ALOX5: variants seen among roughly 807,000 people sequenced by gnomAD.
ALOX5 encodes the protein arachidonate 5-lipoxygenase.
A neutral mutation model predicts 87.9 loss-of-function variants in ALOX5; 64 were observed. The observed-to-expected ratio is 0.73, with a 90% CI of 0.60 to 0.90. ALOX5 has a LOEUF of 0.90. Ranked by LOEUF, ALOX5 falls within the 40% of genes least tolerant of loss-of-function variation. ALOX5 has a pLI of 0.00. For missense variants in ALOX5, 822 were observed against 907.5 expected (o/e 0.91, Z 1.21); for synonymous variants, 388 against 355.1 (o/e 1.09, Z -1.04).
intron 4 of ALOX5, among the ~76,000 whole-genome samples, chr10:45,413,366 GA>G (rs1263285982): frequency 6.6e-6 from 1 of 152,166 alleles, no homozygotes; most frequent in Non-Finnish European, 1.5e-5. Context: ...AATAGATGCA[GA>G]AAAGGCCTTT....
At chr10:45,422,932 C>T (rs11239526) in intron 4 of ALOX5, among the ~76,000 whole-genome samples, 5,781 of 152,276 alleles carry the variant, frequency 0.038, 156 homozygotes, top group Non-Finnish European at 0.057. Context: ...AGCATGGTCA[C>T]GTGGCAGAGA....
chr10:45,406,515 G>A (rs781187460), intron 3 of ALOX5, among the ~76,000 whole-genome samples: 6 of 152,246 alleles, frequency 3.9e-5, no homozygotes, highest in South Asian at 4.1e-4. Context: ...GGAACACAGC[G>A]TGTCTTTCCA....
chr10:45,392,747 G>A (rs1056056737), intron 2 of ALOX5, among the ~76,000 whole-genome samples: 21 of 151,110 alleles, frequency 1.4e-4, no homozygotes, highest in Admixed American at 3.9e-4. Context: ...TCAATTAGAC[G>A]CAATAAAAAG....
intron 3 of ALOX5, among the ~76,000 whole-genome samples, chr10:45,404,630 C>G (rs529989357): frequency 6.6e-6 from 1 of 152,390 alleles, no homozygotes; most frequent in African/African-American, 2.4e-5. Context: ...TTAACTTCTT[C>G]ATGGCATATC....
At chr10:45,400,807 A>T (rs1159105527) in intron 3 of ALOX5, among the ~76,000 whole-genome samples, 4 of 152,164 alleles carry the variant, frequency 2.6e-5, no homozygotes, top group African/African-American at 9.7e-5. Context: ...GAGGGGAAAC[A>T]AGGAGTGAAT....
chr10:45,381,777 A>C (rs1488722100), intron 1 of ALOX5, among the ~76,000 whole-genome samples: 2 of 152,230 alleles, frequency 1.3e-5, no homozygotes, highest in African/African-American at 4.8e-5. Context: ...GGCAGGGCCC[A>C]GGATTTGTCC....
At chr10:45,434,917 A>C (rs1842015889) in intron 7 of ALOX5, among the ~76,000 whole-genome samples, 1 of 152,010 alleles carries the variant, frequency 6.6e-6, no homozygotes, top group Admixed American at 6.6e-5. Context: ...TTTCTTTCTC[A>C]GGCTCTCCTG....
In ALOX5 at chr10:45,424,134, C is replaced by G; in HGVS notation, c.648C>G (p.Ser216Arg). The part of the protein sequence containing the change: ...ADFEKIFVKI[S>R]NTISERVMNH... The stretch of plus-strand genomic sequence containing the variant: ...TTGAGAAAATCTTTGTCAAGATCAG[C>G]AACACTATTTCTGGTGAGTGTGCCT... Residue 216 changes from serine to arginine, a missense_variant, in exon 5 of 14, where the codon AGC (serine) becomes AGG (arginine). By Grantham distance (110) the Ser-to-Arg change is moderately radical. Coordinates refer to ENST00000374391, the MANE Select transcript of ALOX5 (RefSeq NM_000698.5). The G allele has an allele frequency of 3.1e-6, 5 of 1,613,568 alleles. No individual in the cohort carries two copies. Among genetic ancestry groups the G allele is most frequent in the Non-Finnish European group, 4.2e-6 (5 of 1,179,442 alleles).
rs1385261889 is a variant in ALOX5 at position 45,443,844 on chromosome 10, C to A, written c.1674+16C>A. The A allele has an allele frequency of 2.5e-6, 4 of 1,587,292 alleles. No individual in the cohort carries two copies. In the Admixed American group the frequency reaches 5.3e-5, roughly 21 times the overall value. On this transcript the variant is annotated intron_variant, in intron 12 of 13. Coordinates refer to ENST00000374391, the MANE Select transcript of ALOX5 (RefSeq NM_000698.5). ...CTTCGGCCAGGTAGGCAGGGCCGGG[C>A]CCGCTGGGCAGGGCTCCCTTCTCAA...
Position 45,443,055 on chromosome 10 carries a change from C to T in ALOX5, c.1290C>T (p.Gly430=), listed in dbSNP as rs781262591. 8 of 1,612,648 alleles carry T rather than the reference C, an allele frequency of 5.0e-6. No individual in the cohort carries two copies. Among genetic ancestry groups the T allele is most frequent in the African/African-American group, 1.3e-5 (1 of 74,934 alleles). The change falls in exon 10 of 14, where the codon GGC becomes GGT. Residue 430 remains glycine, a synonymous_variant. Coordinates refer to ENST00000374391, the MANE Select transcript of ALOX5 (RefSeq NM_000698.5). ...CACTCCAGGCCAACGCCACAGGGGG[C>T]GGTGGGCACGTGCAGATGGTGCAGA... The part of the protein sequence containing the change: ...GLFDKANATG[G]GGHVQMVQRA...
At chr10:45,423,769 G>A (rs1171174424) in intron 4 of ALOX5, among the ~76,000 whole-genome samples, 1 of 152,226 alleles carries the variant, frequency 6.6e-6, no homozygotes, top group African/African-American at 2.4e-5. Context: ...CCCGATGAGT[G>A]AATGAATGAA....
chr10:45,442,267 G>A (rs896610631), intron 9 of ALOX5, among the ~76,000 whole-genome samples: 1 of 152,164 alleles, frequency 6.6e-6, no homozygotes, highest in Non-Finnish European at 1.5e-5. Flanking sequence ...ATGGGAGAGG[G>A]CACAGGAGCT....
chr10:45,382,458 C>T, intron 1 of ALOX5, 25 bp from the exon 2 acceptor site: 3 of 1,613,428 alleles, frequency 1.9e-6, no homozygotes, highest in South Asian at 1.1e-5. Context: ...CCACGCATGG[C>T]CTGATTGCCT....
chr10:45,412,498 C>G (rs1841102199), intron 4 of ALOX5, among the ~76,000 whole-genome samples, 185 bp downstream of exon 4: 1 of 152,200 alleles, frequency 6.6e-6, no homozygotes, highest in Middle Eastern at 3.4e-3. Context: ...CAACCGGTAT[C>G]TTAAAAAAGG....
At chr10:45,391,705 G>A (rs914682183) in intron 2 of ALOX5, among the ~76,000 whole-genome samples, 3 of 151,632 alleles carry the variant, frequency 2.0e-5, no homozygotes, top group African/African-American at 4.9e-5. Flanking sequence ...TCTCTGCCCA[G>A]CCGCCCATCA....
At chr10:45,414,303 T>C (rs1841185243) in intron 4 of ALOX5, among the ~76,000 whole-genome samples, 1 of 152,236 alleles carries the variant, frequency 6.6e-6, no homozygotes. Context: ...AACCATCTGA[T>C]CTTTGACAAA....
chr10:45,382,575 G>A lies in ALOX5; in HGVS notation c.243G>A (p.Trp81Ter), dbSNP rs1435451921. The A allele has an allele frequency of 1.2e-6, 2 of 1,614,176 alleles. No individual in the cohort carries two copies. The highest frequency in any genetic ancestry group is 2.2e-5 in the East Asian group (1 of 44,878). The change falls in exon 2 of 14, where the codon TGG (tryptophan) becomes TGA (stop). Residue 81 changes from tryptophan (W) to a stop codon, truncating the protein, a stop_gained. Coordinates refer to ENST00000374391, the MANE Select transcript of ALOX5 (RefSeq NM_000698.5). LOFTEE classifies it high-confidence loss of function. ...EKRKYWLNDD[W>*]YLKYITLKTP... ...GCAAGTACTGGCTGAATGACGACTG[G>A]TACCTGAAGTACATCACGCTGAAGA... is the stretch of plus-strand genomic sequence containing the variant.
intron 7 of ALOX5, among the ~76,000 whole-genome samples, chr10:45,438,762 A>G (rs1174270033): frequency 6.6e-6 from 1 of 152,208 alleles, no homozygotes; most frequent in Non-Finnish European, 1.5e-5. Flanking sequence ...TAATTTTTCA[A>G]GAAAACCAGG....
intron 3 of ALOX5, among the ~76,000 whole-genome samples, chr10:45,408,374 G>C (rs1840952566): frequency 6.6e-6 from 1 of 152,158 alleles, no homozygotes; most frequent in Admixed American, 6.5e-5. Flanking sequence ...GGGACAACTT[G>C]GGGGAGGGGA....
Sources: allele counts gnomAD v4.1 joint callset (sites outside exome capture counted in the v4.1 genomes callset), GRCh38; gene constraint gnomAD v4.1.1; transcripts MANE v1.5; gene names NCBI Gene and HGNC (gene_info 2026-07-23, HGNC 2026-07-21).